The following MCM3AP variants were observed in gnomAD, a reference collection of about 807,000 sequenced individuals.
The protein encoded by MCM3AP is germinal-center associated nuclear protein.
A neutral mutation model predicts 184.1 loss-of-function variants in MCM3AP; 126 were observed. The observed-to-expected ratio is 0.68, with a 90% CI of 0.59 to 0.79. The LOEUF (loss-of-function observed/expected upper bound fraction) is 0.79, where lower values mean the gene tolerates loss of function less well. Among genes scored for constraint, MCM3AP ranks in the 30% least tolerant of loss-of-function variants. The pLI, the probability that MCM3AP is intolerant of heterozygous loss-of-function variation, is 0.00. For synonymous variants in MCM3AP, 1,002 were observed against 979.3 expected, an observed-to-expected ratio of 1.02 and a Z score of -0.43; for missense variants, 2,496 against 2,479.2, an observed-to-expected ratio of 1.01 and a Z score of -0.14.
chr21:46,251,909 A>T (rs2145637537), intron 19 of MCM3AP: 1 of 239,234 alleles, frequency 4.2e-6, no homozygotes, highest in Non-Finnish European at 7.5e-6. Context: ...TTTTTGAGCC[A>T]GGGTCTCGCT....
Position 46,246,390 on chromosome 21 carries a change from C to G in MCM3AP, c.4564G>C (p.Asp1522His), listed in dbSNP as rs750741261. ...GAAATCAGCTTAGCTGAAACCAAGT[C>G]CTGTAGCATCAGACCTTTAAGACAG... ...KEVEDGLMLQDLVSAKLISDY... is the reference protein window; with the variant it reads ...KEVEDGLMLQHLVSAKLISDY... The change falls in exon 22 of 28, where the codon GAC becomes CAC. Residue 1522 changes from aspartate to histidine, a missense_variant. Physicochemically the swap from Asp to His is moderately conservative, Grantham distance 81. Transcript: ENST00000291688. 12 of 1,607,866 alleles carry G rather than the reference C, an allele frequency of 7.5e-6. No individual in the cohort carries two copies. Among genetic ancestry groups the G allele is most frequent in the Non-Finnish European group, 9.4e-6 (11 of 1,174,304 alleles).
rs751565651 is a variant in MCM3AP, at chr21:46,238,657, G to A, written c.5634-1678C>T. 1.6e-3 allele frequency among the ~76,000 whole-genome samples: 129 copies of A among 79,020 alleles called. 34 individuals are homozygous for A. Among genetic ancestry groups the A allele is most frequent in the Non-Finnish European group, 2.1e-3 (80 of 37,954 alleles). 51.8% of individuals were successfully genotyped at this position (79,020 alleles called of 152,430 possible). On this transcript the variant is annotated intron_variant, in intron 26 of 27. Coordinates refer to ENST00000291688, the MANE Select transcript of MCM3AP (RefSeq NM_003906.5). ...TGGGAGGTGGAGGTTGCAGTGAGTC[G>A]AGATTGTGCCACTGCACTCTAGCCT...
rs146999256 is a variant in MCM3AP at position 46,235,283 on chromosome 21, G to A, written c.5928C>T (p.Asp1976=). The part of the protein sequence containing the change: ...ASELHLSALL[D]MVDI ...GTCAGGCTGCTCAAATGTCCACCAT[G>A]TCTAGCAGCGCAGAGAGATGGAGCT... The change falls in exon 28 of 28, where the codon GAC becomes GAT. Residue 1976 remains aspartate, a synonymous_variant. Coordinates refer to ENST00000291688, the MANE Select transcript of MCM3AP (RefSeq NM_003906.5). 2.6e-5 allele frequency: 42 copies of A among 1,614,180 alleles called. No individual in the cohort carries two copies. In the African/African-American group the frequency reaches 5.3e-4, roughly 20 times the overall value.
rs548845905 is a variant in MCM3AP at position 46,254,769 on chromosome 21, G to A, written c.4001+7C>T. ...GGGGGTGCGCAGAAGGGTGCAGCAT[G>A]ACAGACCTCAGCAGCTGCTGGTAGA... is the stretch of plus-strand genomic sequence containing the variant. On this transcript the variant is annotated splice_region_variant and intron_variant, in intron 18 of 27. Transcript: ENST00000291688. The A allele has an allele frequency of 3.7e-6, 6 of 1,612,698 alleles. No homozygotes were observed. Among genetic ancestry groups the A allele is most frequent in the Non-Finnish European group, 5.1e-6 (6 of 1,178,818 alleles).
chr21:46,282,415 C>T (rs1034701233), intron 2 of MCM3AP, among the ~76,000 whole-genome samples: 4 of 152,100 alleles, frequency 2.6e-5, no homozygotes, highest in African/African-American at 2.4e-5. Flanking sequence ...TCCTATAGAA[C>T]GTAATTTTGT....
intron 19 of MCM3AP, chr21:46,254,190 T>G (rs1052795144): frequency 1.6e-6 from 1 of 618,176 alleles, no homozygotes; most frequent in Non-Finnish European, 2.8e-6. Flanking sequence ...ACACCAAGTT[T>G]ATGGAATAAA....
chr21:46,277,379 G>A (rs759285732), intron 5 of MCM3AP, 148 bp downstream of exon 5: 2 of 531,190 alleles, frequency 3.8e-6, no homozygotes, highest in Non-Finnish European at 6.5e-6. Context: ...AAGAAGACAG[G>A]CAGACTATGA....
chr21:46,265,893 A>G, intron 11 of MCM3AP, 32 bp downstream of exon 11: 1 of 1,517,086 alleles, frequency 6.6e-7, no homozygotes, highest in Non-Finnish European at 8.9e-7. Context: ...AAATGCAGCT[A>G]GTCCCCTCAC....
chr21:46,256,848 G>C lies in MCM3AP; in HGVS notation c.3873C>G (p.Asn1291Lys). 1.3e-6 allele frequency: 2 copies of C among 1,576,164 alleles called. No individual in the cohort carries two copies. Among genetic ancestry groups the C allele is most frequent in the Non-Finnish European group, 8.6e-7 (1 of 1,160,722 alleles). ...CCAGGTCCAGGAGGCCCCTGGCCAG[G>C]TTCTCTTCAGCAATGGGGCACTCTG... ...PSAECPIAEE[N>K]LARGLLDLGH... The change falls in exon 17 of 28, where the codon AAC (asparagine) becomes AAG (lysine). Residue 1291 changes from asparagine to lysine, a missense_variant. By Grantham distance (94) the Asn-to-Lys change is moderately conservative (BLOSUM62 0). This residue lies in a region of MCM3AP where 1,323 missense variants were observed against 1,273.4 expected (regional missense o/e 1.04). Coordinates refer to ENST00000291688, the MANE Select transcript of MCM3AP (RefSeq NM_003906.5).
At chr21:46,236,491 T>C (rs1175110606) in intron 27 of MCM3AP, among the ~76,000 whole-genome samples, 1 of 152,212 alleles carries the variant, frequency 6.6e-6, no homozygotes, top group Non-Finnish European at 1.5e-5. Context: ...AGAAGAGAGG[T>C]CTGGGTAATG....
In MCM3AP at chr21:46,278,008, G is replaced by A. The variant is rs17182657; in HGVS notation, c.1668-291C>T. Reference sequence around the variant, plus strand: ...TCTACAAAAAATTTAAAAATTAGCCGGGCATGGTGGCATGTGCCTCTAGTC... The same window carrying A: ...TCTACAAAAAATTTAAAAATTAGCCAGGCATGGTGGCATGTGCCTCTAGTC... On this transcript the variant is annotated intron_variant, in intron 4 of 27. Coordinates refer to ENST00000291688, the MANE Select transcript of MCM3AP (RefSeq NM_003906.5). Among the ~76,000 whole-genome samples the A allele has an allele frequency of 3.7e-3, 560 of 152,128 alleles. 1 individual carries two copies. The highest frequency in any genetic ancestry group is 0.013 in the African/African-American group (523 of 41,492).
At chr21:46,263,455 C>G (rs2081067198) in intron 13 of MCM3AP, among the ~76,000 whole-genome samples, 1 of 151,842 alleles carries the variant, frequency 6.6e-6, no homozygotes, top group South Asian at 2.1e-4. Flanking sequence ...GAAAGACATC[C>G]CACATTCTCA....
intron 8 of MCM3AP, among the ~76,000 whole-genome samples, chr21:46,270,765 CTG>C (rs2081169234): frequency 6.6e-6 from 1 of 152,138 alleles, no homozygotes; most frequent in African/African-American, 2.4e-5. Flanking sequence ...GATCGCATCA[CTG>C]TACTCCAGCC....
chr21:46,260,226 TA>T (rs2081024553), intron 15 of MCM3AP, among the ~76,000 whole-genome samples: 2 of 152,300 alleles, frequency 1.3e-5, no homozygotes, highest in African/African-American at 4.8e-5. Context: ...TATAGGTCCA[TA>T]GGGGCCCTCG....
In MCM3AP at chr21:46,273,458, A is replaced by G; in HGVS notation, c.2126T>C (p.Met709Thr). 1 of 1,614,014 alleles carries G rather than the reference A, an allele frequency of 6.2e-7. No homozygotes were observed. The highest frequency in any genetic ancestry group is 8.5e-7 in the Non-Finnish European group (1 of 1,179,870). ...RTMDYLVTQI[M>T]DQKEGSLRDW... ...CCGCAGGCTGCCCTCCTTCTGGTCC[A>G]TGATCTGGGTCACCAGGTAGTCCAT... The change falls in exon 7 of 28, where the codon ATG becomes ACG. Residue 709 changes from methionine to threonine, a missense_variant. Transcript: ENST00000291688.
At position 46,270,577 on chromosome 21, in the gene MCM3AP, G is replaced by A. The variant is rs762235861; in HGVS notation, c.2466-14C>T. 1.3e-6 allele frequency: 2 copies of A among 1,577,122 alleles called. No individual in the cohort carries two copies. Among genetic ancestry groups the A allele is most frequent in the East Asian group, 4.5e-5 (2 of 44,032 alleles). ...TGTTGTACTTCTCTGTTAATTAAAG[G>A]AGAGAAAAGGGGTTGGAATGTTATT... On this transcript the variant is annotated splice_polypyrimidine_tract_variant and intron_variant, in intron 8 of 27. Transcript: ENST00000291688.
chr21:46,254,320 C>A, intron 19 of MCM3AP, 72 bp downstream of exon 19: 1 of 1,563,484 alleles, frequency 6.4e-7, no homozygotes, highest in Non-Finnish European at 8.8e-7. Context: ...GAGGAATACC[C>A]GGCCCTGGCC....
intron 13 of MCM3AP, among the ~76,000 whole-genome samples, chr21:46,263,114 G>C (rs1257679542): frequency 6.6e-6 from 1 of 151,910 alleles, no homozygotes; most frequent in Admixed American, 6.6e-5. Flanking sequence ...CGGATCACGA[G>C]GTCAGGAGAT....
At chr21:46,258,157 G>A (rs2080985520) in intron 16 of MCM3AP, among the ~76,000 whole-genome samples, 1 of 152,164 alleles carries the variant, frequency 6.6e-6, no homozygotes, top group Admixed American at 6.5e-5. Flanking sequence ...AAAGTCTCTG[G>A]ATGGTTTCGC....
Sources: allele counts gnomAD v4.1 joint callset (sites outside exome capture counted in the v4.1 genomes callset), GRCh38; gene constraint gnomAD v4.1.1; regional missense constraint gnomAD v4.1.1; transcripts MANE v1.5; gene names NCBI Gene and HGNC (gene_info 2026-07-23, HGNC 2026-07-21).